The following USP48 variants were observed in gnomAD, a reference collection of about 807,000 sequenced individuals.
The protein encoded by USP48 is ubiquitin carboxyl-terminal hydrolase 48.
A neutral mutation model predicts 150.7 loss-of-function variants in USP48; 43 were observed. The observed-to-expected ratio is 0.29, with a 90% CI of 0.22 to 0.37. USP48 has a LOEUF of 0.37. Among genes scored for constraint, USP48 ranks in the 10% least tolerant of loss-of-function variants. The pLI is 1.00. For missense variants in USP48, 813 were observed against 1,249.6 expected (o/e 0.65, Z 5.27); for synonymous variants, 396 against 425.9 (o/e 0.93, Z 0.86).
intron 1 of USP48, among the ~76,000 whole-genome samples, chr1:21,759,067 C>A (rs1203353766): frequency 6.7e-6 from 1 of 149,626 alleles, no homozygotes; most frequent in Non-Finnish European, 1.5e-5. Context: ...CAGCTACAGG[C>A]TGAAGACTGG....
chr1:21,729,144 G>A lies in USP48; in HGVS notation c.1301-425C>T, dbSNP rs1370237345. Among the ~76,000 whole-genome samples, 17 of 152,150 alleles carry A rather than the reference G, an allele frequency of 1.1e-4. 1 individual carries two copies. Among genetic ancestry groups the A allele is most frequent in the East Asian group, 5.8e-4 (3 of 5,180 alleles). On this transcript the variant is annotated intron_variant, in intron 10 of 26. Coordinates refer to ENST00000308271, the MANE Select transcript of USP48 (RefSeq NM_032236.8). ...CTAAAAATACAAAAATTAGCTGGGC[G>A]TGGTGGCACGCACCTGTAATCCCAG...
chr1:21,717,188 G>A (rs773896285), intron 14 of USP48, among the ~76,000 whole-genome samples: 10 of 151,860 alleles, frequency 6.6e-5, no homozygotes, highest in Non-Finnish European at 1.2e-4. Context: ...CAGATCACAT[G>A]AGCCCAGGAG....
chr1:21,739,518 C>CAAAAAAAAAAAAAAAAAAAAAA (rs61410306), intron 8 of USP48, among the ~76,000 whole-genome samples: 1 of 66,292 alleles, frequency 1.5e-5, no homozygotes, highest in Non-Finnish European at 2.5e-5. Flanking sequence ...GACTCCGTCT[C>CAAAAAAAAAAAAAAAAAAAAAA]AAAAAAAAAA....
intron 1 of USP48, among the ~76,000 whole-genome samples, chr1:21,781,423 G>C (rs2152664716): frequency 6.6e-6 from 1 of 151,618 alleles, no homozygotes; most frequent in South Asian, 2.1e-4. Context: ...TGGGCAATAA[G>C]AGCGAAACAC....
chr1:21,770,003 T>C (rs975207683), intron 1 of USP48, among the ~76,000 whole-genome samples: 2 of 152,024 alleles, frequency 1.3e-5, no homozygotes, highest in Non-Finnish European at 1.5e-5. Context: ...GAATATAATA[T>C]ATAGTATATA....
In USP48 at chr1:21,763,299, A is replaced by G. The variant is rs571817763; in HGVS notation, c.135-5516T>C. ...CACAGCAGAATGCCAAGTGCAGGTG[A>G]CCTGTGATAGACTACCACCCCAGGC... On this transcript the variant is annotated intron_variant, in intron 1 of 26. Coordinates refer to ENST00000308271, the MANE Select transcript of USP48 (RefSeq NM_032236.8). Among the ~76,000 whole-genome samples, 21 of 152,238 alleles carry G rather than the reference A, an allele frequency of 1.4e-4. No individual in the cohort carries two copies. The South Asian group carries it at 4.1e-3, about 30-fold the overall frequency.
chr1:21,752,714 G>C, intron 4 of USP48, 63 bp from the exon 5 acceptor site: 2 of 1,506,216 alleles, frequency 1.3e-6, no homozygotes, highest in Non-Finnish European at 1.8e-6. Flanking sequence ...ACTACAAATA[G>C]TAATACATTC....
intron 25 of USP48, among the ~76,000 whole-genome samples, chr1:21,682,833 C>T (rs7515855): frequency 0.44 from 66,634 of 150,866 alleles, 15,327 homozygotes; most frequent in East Asian, 0.66. Flanking sequence ...CAAGATCATG[C>T]CACTGCACTC....
Position 21,694,284 on chromosome 1 carries a change from C to CT in USP48, c.2883+781dup, listed in dbSNP as rs1008740572. ...TCAAGGTAAAGATAATTTTAAAACTCTATCAAGGCCGGGCGCGGTGGCTCA... is the reference window on the plus strand; with the variant it reads ...TCAAGGTAAAGATAATTTTAAAACTCTTATCAAGGCCGGGCGCGGTGGCTCA... On this transcript the variant is annotated intron_variant, in intron 23 of 26. Coordinates refer to ENST00000308271, the MANE Select transcript of USP48 (RefSeq NM_032236.8). Among the ~76,000 whole-genome samples the CT allele has an allele frequency of 9.2e-5, 14 of 152,086 alleles. 1 individual carries two copies. The South Asian group carries it at 1.0e-3, about 11-fold the overall frequency.
chr1:21,734,159 G>A (rs1340680964), intron 9 of USP48, among the ~76,000 whole-genome samples: 1 of 152,186 alleles, frequency 6.6e-6, no homozygotes, highest in Non-Finnish European at 1.5e-5. Flanking sequence ...AACACTTTTG[G>A]GAGGCCAAGT....
intron 22 of USP48, among the ~76,000 whole-genome samples, chr1:21,698,436 T>G (rs1327149615): frequency 1.3e-5 from 2 of 152,206 alleles, no homozygotes; most frequent in African/African-American, 4.8e-5. Context: ...GGAGAGTGAT[T>G]CCACATACAC....
intron 1 of USP48, among the ~76,000 whole-genome samples, chr1:21,779,122 T>G (rs2097908026): frequency 6.6e-6 from 1 of 151,904 alleles, no homozygotes; most frequent in African/African-American, 2.4e-5. Flanking sequence ...GGCATGTGCC[T>G]GTAGTGGCAG....
At chr1:21,680,361 T>C (rs189209443) in intron 26 of USP48, among the ~76,000 whole-genome samples, 1 of 152,316 alleles carries the variant, frequency 6.6e-6, no homozygotes. Flanking sequence ...ATCCAACAAA[T>C]GCCTTAATGC....
chr1:21,721,474 C>T (rs920474026), intron 13 of USP48, among the ~76,000 whole-genome samples, 176 bp downstream of exon 13: 5 of 152,212 alleles, frequency 3.3e-5, no homozygotes, highest in Admixed American at 2.6e-4. Flanking sequence ...TTTTCTTTAT[C>T]GTTGCCACAG....
chr1:21,713,935 C>T (rs986929220), intron 15 of USP48, among the ~76,000 whole-genome samples: 72 of 152,280 alleles, frequency 4.7e-4, no homozygotes, highest in Non-Finnish European at 8.4e-4. Flanking sequence ...ATGGCCCCTT[C>T]CTAGTTGTGT....
chr1:21,706,640 GCCTCCTC>G, intron 16 of USP48, 51 bp from the exon 17 acceptor site: 2 of 1,613,312 alleles, frequency 1.2e-6, no homozygotes, highest in Non-Finnish European at 1.7e-6. Flanking sequence ...CACATGACCT[GCCTCCTC>G]CCTACACCCC....
At chr1:21,781,474 TG>T (rs1279546026) in intron 1 of USP48, among the ~76,000 whole-genome samples, 1 of 151,148 alleles carries the variant, frequency 6.6e-6, no homozygotes, top group African/African-American at 2.4e-5. Flanking sequence ...TGGCCCAGCA[TG>T]GTGGCTCACG....
At chr1:21,723,655 T>C (rs1208881293) in intron 12 of USP48, among the ~76,000 whole-genome samples, 1 of 152,174 alleles carries the variant, frequency 6.6e-6, no homozygotes, top group Non-Finnish European at 1.5e-5. Flanking sequence ...CTATTTTGTC[T>C]GCTTTGAGAG....
chr1:21,702,698 A>G lies in USP48; in HGVS notation c.2622+814T>C, dbSNP rs2097660669. On this transcript the variant is annotated intron_variant, in intron 21 of 26. Transcript: ENST00000308271. ...AAAACCTGATAGTGTATGGTCGTTC[A>G]TTCCATATCATGATCCCTTCTTGGA... Among the ~76,000 whole-genome samples the G allele has an allele frequency of 2.0e-5, 3 of 152,330 alleles. No individual in the cohort carries two copies. In the South Asian group the frequency reaches 6.2e-4, roughly 32 times the overall value.
Sources: gnomAD v4.1 joint callset for allele counts (sites outside exome capture counted in the v4.1 genomes callset) on GRCh38, gnomAD v4.1.1 for gene constraint, MANE v1.5 for transcripts, NCBI Gene and HGNC (gene_info 2026-07-23, HGNC 2026-07-21) for gene names.